The following C3 variants were observed in gnomAD, a reference collection of about 807,000 sequenced individuals.
C3 encodes complement C3.
A neutral mutation model predicts 207.9 loss-of-function variants in C3; 97 were observed. The ratio of observed to expected loss-of-function variants is 0.47; its 90% CI spans 0.40 to 0.55. The LOEUF (loss-of-function observed/expected upper bound fraction) is 0.55. Among genes scored for constraint, C3 ranks in the 20% least tolerant of loss-of-function variants. The pLI, the probability that C3 is intolerant of heterozygous loss-of-function variation, is 0.00. For missense variants in C3, 1,684 were observed against 2,171.7 expected (o/e 0.78, Z 4.46); for synonymous variants, 848 against 857.6 (o/e 0.99, Z 0.20).
chr19:6,709,896 C>G, intron 13 of C3, 54 bp from the exon 14 acceptor site: 1 of 1,536,032 alleles, frequency 6.5e-7, no homozygotes, highest in Non-Finnish European at 8.8e-7. Context: ...AGAGGAGTGC[C>G]TGGGATGGAG....
intron 27 of C3, 94 bp downstream of exon 27, chr19:6,690,535 T>C (rs1918139463): frequency 2.1e-6 from 2 of 941,366 alleles, no homozygotes; most frequent in African/African-American, 3.2e-5. Flanking sequence ...CTGGGAGAGC[T>C]GCAAATTCCC....
chr19:6,709,586 C>G, intron 14 of C3, 98 bp downstream of exon 14: 3 of 1,307,696 alleles, frequency 2.3e-6, no homozygotes, highest in Non-Finnish European at 3.3e-6. Flanking sequence ...TCAGCGCATG[C>G]CCCCCACTGC....
chr19:6,700,629 G>C lies in C3; in HGVS notation c.2440+1498C>G, dbSNP rs1208342077. On this transcript the variant is annotated intron_variant, in intron 19 of 40. Coordinates refer to ENST00000245907, the MANE Select transcript of C3 (RefSeq NM_000064.4). ...ATTATATATGTAATATATAATATAT[G>C]ATATATTATATATGTAATATATAAT... Among the ~76,000 whole-genome samples, 25 of 16,964 alleles carry C rather than the reference G, an allele frequency of 1.5e-3. 7 individuals carry two copies. The highest frequency in any genetic ancestry group is 5.9e-3 in the African/African-American group (15 of 2,548). 11.1% of individuals were successfully genotyped at this position (16,964 alleles called of 152,430 possible). A position where few individuals can be genotyped will look rare whatever the true frequency, so the allele number is the denominator to read the frequency against.
chr19:6,678,308 A>G (rs369555426), intron 39 of C3, 21 bp from the exon 40 acceptor site: 902 of 1,613,948 alleles, frequency 5.6e-4, no homozygotes, highest in Non-Finnish European at 7.2e-4. Context: ...GGGGAGAGGG[A>G]AGAAGCTGAG....
intron 25 of C3, 118 bp from the exon 26 acceptor site, chr19:6,693,201 C>T (rs893037687): frequency 8.0e-7 from 1 of 1,252,872 alleles, no homozygotes; most frequent in East Asian, 2.4e-5. Flanking sequence ...GGTTTGCCTT[C>T]CCAGGCCCCA....
chr19:6,679,181 T>TC lies in C3; in HGVS notation c.4573dup (p.Asp1525GlyfsTer14), dbSNP rs1917793646. On this transcript the variant is annotated frameshift_variant, in exon 38 of 41. Transcript: ENST00000245907. LOFTEE classifies it high-confidence loss of function. ...CAGCCGTTCTTCCAGGGTGACCTTG[T>TC]CATCCGACTTTTGTATGAAGCAATT... 1 of 1,614,100 alleles carries TC rather than the reference T, an allele frequency of 6.2e-7. No homozygotes were observed. The highest frequency in any genetic ancestry group is 8.5e-7 in the Non-Finnish European group (1 of 1,180,030).
In C3 at chr19:6,696,590, C is replaced by G. The variant is rs764426277; in HGVS notation, c.2863+3G>C. The G allele has an allele frequency of 6.2e-7, 1 of 1,613,960 alleles. No homozygotes were observed. The highest frequency in any genetic ancestry group is 1.1e-5 in the South Asian group (1 of 91,076). ...TCAGCCCCTCCCCCTGCAGCCGACT[C>G]ACCACGGCCCAGGCGTTCTGGATCC... On this transcript the variant is annotated splice_donor_region_variant and intron_variant, in intron 22 of 40. Coordinates refer to ENST00000245907, the MANE Select transcript of C3 (RefSeq NM_000064.4).
intron 14 of C3, among the ~76,000 whole-genome samples, chr19:6,708,545 T>TTCCTTCCC (rs199667410): frequency 1.1e-4 from 16 of 146,418 alleles, no homozygotes; most frequent in Admixed American, 2.0e-4. Flanking sequence ...TGCTCCCCCT[T>TTCCTTCCC]TCCTTCCCTC....
chr19:6,696,353 TGGGG>T, intron 23 of C3, 22 bp downstream of exon 23: 2 of 1,531,464 alleles, frequency 1.3e-6, no homozygotes, highest in Non-Finnish European at 1.8e-6. Context: ...CTGGGACCCA[TGGGG>T]TCGGGGTCAA....
intron 4 of C3, chr19:6,716,268 G>A (rs11569415): frequency 0.14 from 21,675 of 152,230 alleles, 2,100 homozygotes; most frequent in Non-Finnish European, 0.21. Context: ...ACCCAGGCTG[G>A]AGTGCAGTGG....
intron 17 of C3, among the ~76,000 whole-genome samples, chr19:6,706,838 CT>C (rs1660752700): frequency 6.9e-6 from 1 of 144,544 alleles, no homozygotes; most frequent in African/African-American, 2.8e-5. Flanking sequence ...GGCCTCCTCC[CT>C]CCTCAGACAG....
Position 6,710,617 on chromosome 19 carries a change from A to G in C3, c.1686+22T>C, listed in dbSNP as rs144642351. On this transcript the variant is annotated intron_variant, in intron 13 of 40. Transcript: ENST00000245907. ...GGAGTAGGGAGAGGGAGAGGGGGCG[A>G]GCGAGCCCAGGGCACACTTACCGAG... The G allele has an allele frequency of 1.7e-4, 269 of 1,547,244 alleles. No homozygotes were observed. In the African/African-American group the frequency reaches 2.8e-3, roughly 16 times the overall value.
At position 6,719,300 on chromosome 19, in the gene C3, G is replaced by A; in HGVS notation, c.178C>T (p.His60Tyr). ...ACTAGTTTTTTGCCTGGGAAGTCGTGGACAGTAACAGTGACTGGAACATCC... is the reference window on the plus strand; with the variant it reads ...ACTAGTTTTTTGCCTGGGAAGTCGTAGACAGTAACAGTGACTGGAACATCC... Reference protein sequence around the residue: ...QGDVPVTVTVHDFPGKKLVLS... With the variant: ...QGDVPVTVTVYDFPGKKLVLS... Residue 60 changes from histidine (H) to tyrosine (Y), a missense_variant, in exon 2 of 41, where the codon CAC becomes TAC. His to Tyr is a moderately conservative substitution (Grantham distance 83). Around this residue, in one of 3 missense-constraint regions of C3, gnomAD observed 1,280 missense variants for 1,739.1 expected, o/e 0.74. Coordinates refer to ENST00000245907, the MANE Select transcript of C3 (RefSeq NM_000064.4). The surrounding 1 kb of genome is among the most constrained non-coding windows in gnomAD (Gnocchi z 5.4). The A allele has an allele frequency of 3.7e-6, 6 of 1,613,988 alleles. No homozygotes were observed. The highest frequency in any genetic ancestry group is 5.1e-6 in the Non-Finnish European group (6 of 1,179,938).
Position 6,693,425 on chromosome 19 carries a change from C to T in C3, c.3217G>A (p.Ala1073Thr). The T allele has an allele frequency of 1.2e-6, 2 of 1,610,586 alleles. No individual in the cohort carries two copies. The highest frequency in any genetic ancestry group is 1.7e-6 in the Non-Finnish European group (2 of 1,178,894). The stretch of plus-strand genomic sequence containing the variant: ...GTTGGGACTCACCAGGTGCTGGGTG[C>T]CCGTTTCACGAAGGCCGCAAAGGCA... The part of the protein sequence containing the change: ...SSAFAAFVKR[A>T]PSTWLTAYVV... The change falls in exon 25 of 41, where the codon GCA (alanine) becomes ACA (threonine). Residue 1073 changes from alanine to threonine, a missense_variant. By Grantham distance (58) the Ala-to-Thr change is moderately conservative (BLOSUM62 0). This residue lies in a region of C3 where 1,280 missense variants were observed against 1,739.1 expected (regional missense o/e 0.74). Transcript: ENST00000245907.
At chr19:6,701,614 G>A (rs1047392095) in intron 19 of C3, among the ~76,000 whole-genome samples, 34 of 152,080 alleles carry the variant, frequency 2.2e-4, no homozygotes, top group African/African-American at 7.5e-4. Flanking sequence ...TCCACCTCCC[G>A]GGTTCAACCA....
chr19:6,707,748 G>C, intron 15 of C3, 52 bp downstream of exon 15: 1 of 1,608,974 alleles, frequency 6.2e-7, no homozygotes, highest in Non-Finnish European at 8.5e-7. Flanking sequence ...CCCAGCATCT[G>C]GGAGGTGGAG....
intron 29 of C3, 80 bp downstream of exon 29, chr19:6,686,044 C>T: frequency 7.0e-7 from 1 of 1,421,358 alleles, no homozygotes; most frequent in Non-Finnish European, 9.9e-7. Context: ...CTCGCTGGGC[C>T]TCAGTGTCTT....
chr19:6,682,035 G>A lies in C3; in HGVS notation c.4261-5C>T. The A allele has an allele frequency of 6.2e-7, 1 of 1,613,534 alleles. No individual in the cohort carries two copies. The highest frequency in any genetic ancestry group is 8.5e-7 in the Non-Finnish European group (1 of 1,179,454). On this transcript the variant is annotated splice_region_variant and splice_polypyrimidine_tract_variant and intron_variant, in intron 34 of 40. Coordinates refer to ENST00000245907, the MANE Select transcript of C3 (RefSeq NM_000064.4). Reference sequence around the variant, plus strand: ...TCTGTCAACACCATTGGCCAGCTGGGGAAAGGTGGAGCCTGTGAAAAATCC... The same window carrying A: ...TCTGTCAACACCATTGGCCAGCTGGAGAAAGGTGGAGCCTGTGAAAAATCC...
rs769788867 is a variant in C3 at position 6,710,726 on chromosome 19, C to T, written c.1599G>A (p.Ala533=). The T allele has an allele frequency of 1.4e-5, 23 of 1,613,700 alleles. No homozygotes were observed. The highest frequency in any genetic ancestry group is 5.5e-5 in the South Asian group (5 of 91,090). ...TDFIPSFRLV[A]YYTLIGASGQ... is the part of the protein sequence containing the mutation. ...CGCTGGCACCGATCAGCGTGTAGTA[C>T]GCCACCAGGCGGAAGGAAGGGATGA... is the stretch of plus-strand genomic sequence containing the variant. Residue 533 remains alanine, a synonymous_variant, in exon 13 of 41, where the codon GCG becomes GCA. Coordinates refer to ENST00000245907, the MANE Select transcript of C3 (RefSeq NM_000064.4).
Sources: allele counts gnomAD v4.1 joint callset (sites outside exome capture counted in the v4.1 genomes callset), GRCh38; gene constraint gnomAD v4.1.1; regional missense constraint gnomAD v4.1.1; non-coding constraint Gnocchi (gnomAD v3.1); transcripts MANE v1.5; gene names NCBI Gene and HGNC (gene_info 2026-07-23, HGNC 2026-07-21).